Variants in FERMT3 observed in about 807,000 individuals in gnomAD.
FERMT3 encodes the protein fermitin family homolog 3.
A neutral mutation model predicts 80.8 loss-of-function variants in FERMT3; 33 were observed. The observed-to-expected ratio is 0.41, with a 90% confidence interval of 0.31 to 0.55. FERMT3 has a LOEUF of 0.55. Ranked by LOEUF, FERMT3 falls within the 20% of genes least tolerant of loss-of-function variation. The pLI is 0.31. For synonymous variants in FERMT3, 375 were observed against 372.2 expected, an observed-to-expected ratio of 1.01 and a Z score of -0.09; for missense variants, 754 against 908.7, an observed-to-expected ratio of 0.83 and a Z score of 2.19.
At chr11:64,208,802 A>C (rs183688057) in intron 2 of FERMT3, among the ~76,000 whole-genome samples, 43 of 152,234 alleles carry the variant, frequency 2.8e-4, no homozygotes, top group African/African-American at 1.0e-3. Flanking sequence ...GCGTGACCAG[A>C]AATGAGGCTG....
At chr11:64,209,536 A>G (rs574396435) in intron 2 of FERMT3, among the ~76,000 whole-genome samples, 3 of 152,324 alleles carry the variant, frequency 2.0e-5, no homozygotes, top group South Asian at 4.1e-4. Context: ...GAGAGGGGCC[A>G]GAGAGGACAG....
chr11:64,220,238 A>G lies in FERMT3; in HGVS notation c.1223A>G (p.Asp408Gly). Residue 408 changes from aspartate to glycine, a missense_variant, in exon 11 of 15, where the codon GAT (aspartate) becomes GGT (glycine). Coordinates refer to ENST00000345728, the MANE Select transcript of FERMT3 (RefSeq NM_031471.6). ...CCTCCAGGCTGTGAGGTGGTTCCCGATGTTAACGTCTCCGGCCAGAAGTTC... is the reference window on the plus strand; with the variant it reads ...CCTCCAGGCTGTGAGGTGGTTCCCGGTGTTAACGTCTCCGGCCAGAAGTTC... ...LNLKGCEVVP[D>G]VNVSGQKFCI... is the part of the protein sequence containing the mutation. 6.2e-7 allele frequency: 1 copy of G among 1,613,794 alleles called. No homozygotes were observed. The highest frequency in any genetic ancestry group is 8.5e-7 in the Non-Finnish European group (1 of 1,179,982).
At position 64,207,428 on chromosome 11, in the gene FERMT3, G is replaced by A; in HGVS notation, c.64G>A (p.Val22Met). 1 of 1,614,188 alleles carries A rather than the reference G, an allele frequency of 6.2e-7. No homozygotes were observed. The highest frequency in any genetic ancestry group is 8.5e-7 in the Non-Finnish European group (1 of 1,180,020). Reference sequence around the variant, plus strand: ...CTCGTCATGGGAGCTGCGGGTGTTTGTGGGAGAGGAGGACCCAGAGGCCGA... The same window carrying A: ...CTCGTCATGGGAGCTGCGGGTGTTTATGGGAGAGGAGGACCCAGAGGCCGA... ...IDSSWELRVF[V>M]GEEDPEAESV... The change falls in exon 2 of 15, where the codon GTG (valine) becomes ATG (methionine). Residue 22 changes from valine to methionine, a missense_variant. By Grantham distance (21) the Val-to-Met change is conservative. Coordinates refer to ENST00000345728, the MANE Select transcript of FERMT3 (RefSeq NM_031471.6).
chr11:64,218,505 A>G (rs1946601162), intron 6 of FERMT3, among the ~76,000 whole-genome samples: 1 of 148,234 alleles, frequency 6.7e-6, no homozygotes. Flanking sequence ...GGGTTTCACC[A>G]TGTTGCCCAA....
intron 13 of FERMT3, among the ~76,000 whole-genome samples, chr11:64,222,563 CAAAAAAAAAA>C (rs34119299): frequency 2.4e-5 from 2 of 83,474 alleles, no homozygotes; most frequent in African/African-American, 1.0e-4. Flanking sequence ...CACTCCGTCT[CAAAAAAAAAA>C]AAAAAAAAAA....
chr11:64,211,030 C>A lies in FERMT3; in HGVS notation c.395-22C>A. The A allele has an allele frequency of 6.2e-7, 1 of 1,606,738 alleles. No individual in the cohort carries two copies. The highest frequency in any genetic ancestry group is 8.5e-7 in the Non-Finnish European group (1 of 1,176,864). On this transcript the variant is annotated intron_variant, in intron 3 of 14. Transcript: ENST00000345728. This position sits in a 1 kb window ranked among gnomAD's most constrained non-coding sequence, Gnocchi z 4.7. ...AGGCTGCAGCAGGACCTAGTCCCCGCTGAGACCCTAGCTCCCCTCAGGCAT... is the reference window on the plus strand; with the variant it reads ...AGGCTGCAGCAGGACCTAGTCCCCGATGAGACCCTAGCTCCCCTCAGGCAT...
intron 6 of FERMT3, among the ~76,000 whole-genome samples, chr11:64,218,599 C>T (rs1440771175): frequency 5.9e-5 from 9 of 152,254 alleles, no homozygotes; most frequent in Admixed American, 4.6e-4. Flanking sequence ...GCCACCGCCC[C>T]GGCCTGTCCT....
At position 64,219,715 on chromosome 11, in the gene FERMT3, C is replaced by T. The variant is rs761647934; in HGVS notation, c.1030-25C>T. 6.2e-7 allele frequency: 1 copy of T among 1,613,842 alleles called. No homozygotes were observed. The highest frequency in any genetic ancestry group is 8.5e-7 in the Non-Finnish European group (1 of 1,179,952). ...GGGAGAACTGTGAGGTACCGGGTGC[C>T]CCTCTGACTCTGGTCCTCCCATAGG... On this transcript the variant is annotated intron_variant, in intron 8 of 14. Coordinates refer to ENST00000345728, the MANE Select transcript of FERMT3 (RefSeq NM_031471.6). The surrounding 1 kb of genome is among the most constrained non-coding windows in gnomAD (Gnocchi z 4.0).
chr11:64,206,162 G>A (rs932157065), upstream of FERMT3, among the ~76,000 whole-genome samples: 1 of 152,214 alleles, frequency 6.6e-6, no homozygotes, highest in African/African-American at 2.4e-5. Context: ...GATGGTCTGG[G>A]CCAAGTACTG....
At position 64,219,260 on chromosome 11, in the gene FERMT3, G is replaced by A. The variant is rs907338238; in HGVS notation, c.796G>A (p.Val266Met). 8 of 1,596,610 alleles carry A rather than the reference G, an allele frequency of 5.0e-6. No homozygotes were observed. Among genetic ancestry groups the A allele is most frequent in the Admixed American group, 1.7e-5 (1 of 57,536 alleles). The change falls in exon 7 of 15, where the codon GTG becomes ATG. Residue 266 changes from valine to methionine, a missense_variant. Physicochemically the swap from Val to Met is conservative, Grantham distance 21 (BLOSUM62 1). Transcript: ENST00000345728. The surrounding 1 kb of genome is among the most constrained non-coding windows in gnomAD (Gnocchi z 4.0). The stretch of plus-strand genomic sequence containing the variant: ...TCTCCCCCCGCTCCAGACAGACCCC[G>A]TGCGGCTGACACAGCTGTATGAGCA... ...FFDLDPKTDP[V>M]RLTQLYEQAR...
chr11:64,210,222 T>C lies in FERMT3; in HGVS notation c.161-389T>C, dbSNP rs552648778. 2.4e-4 allele frequency among the ~76,000 whole-genome samples: 36 copies of C among 152,310 alleles called. No individual in the cohort carries two copies. The highest frequency in any genetic ancestry group is 6.5e-4 in the African/African-American group (27 of 41,574). The stretch of plus-strand genomic sequence containing the variant: ...ATACAACGGTGAGACAGACGTAGTC[T>C]CTGCCTCCAGGAGCTCCCCAGAATG... On this transcript the variant is annotated intron_variant, in intron 2 of 14. Transcript: ENST00000345728. This position sits in a 1 kb window ranked among gnomAD's most constrained non-coding sequence, Gnocchi z 4.3.
chr11:64,223,658 C>CGCTG lies in FERMT3; in HGVS notation c.*167_*170dup. On this transcript the variant is annotated 3_prime_UTR_variant, in exon 15 of 15. Transcript: ENST00000345728. Reference sequence around the variant, plus strand: ...AGGCCAAGGACCTGGCAGGGCCAGACGCTGTACCATCACCCAGGCCAGGGA... The same window carrying CGCTG: ...AGGCCAAGGACCTGGCAGGGCCAGACGCTGGCTGTACCATCACCCAGGCCAGGGA... 1 of 901,426 alleles carries CGCTG rather than the reference C, an allele frequency of 1.1e-6. No homozygotes were observed. Among genetic ancestry groups the CGCTG allele is most frequent in the South Asian group, 1.6e-5 (1 of 64,092 alleles). 55.8% of individuals were successfully genotyped at this position (901,426 alleles called of 1,614,324 possible).
chr11:64,208,540 C>T (rs565576873), intron 2 of FERMT3, among the ~76,000 whole-genome samples: 101 of 152,350 alleles, frequency 6.6e-4, no homozygotes, highest in African/African-American at 2.3e-3. Context: ...TCAGCCTGGC[C>T]GCCCCGGGCC....
At chr11:64,207,639 A>G (rs1946342580) in intron 2 of FERMT3, 115 bp downstream of exon 2, 1 of 1,294,888 alleles carries the variant, frequency 7.7e-7, no homozygotes, top group Non-Finnish European at 1.1e-6. Context: ...TGTCACGGTG[A>G]CTCAGGCATT....
intron 2 of FERMT3, among the ~76,000 whole-genome samples, chr11:64,208,491 ACTGTCACTC>A (rs1205181604): frequency 2.8e-4 from 42 of 152,322 alleles, no homozygotes; most frequent in African/African-American, 9.6e-4. Flanking sequence ...TGGTGGGGAT[ACTGTCACTC>A]CTAAGCACAT....
Position 64,219,264 on chromosome 11 carries a change from G to A in FERMT3, c.800G>A (p.Arg267Gln), listed in dbSNP as rs1257489948. The A allele has an allele frequency of 1.2e-6, 2 of 1,600,028 alleles. No homozygotes were observed. The highest frequency in any genetic ancestry group is 1.7e-4 in the Middle Eastern group (1 of 6,050). The change falls in exon 7 of 15, where the codon CGG becomes CAG. Residue 267 changes from arginine to glutamine, a missense_variant. Arg to Gln is a conservative substitution (Grantham distance 43, BLOSUM62 1). Coordinates refer to ENST00000345728, the MANE Select transcript of FERMT3 (RefSeq NM_031471.6). The surrounding 1 kb of genome is among the most constrained non-coding windows in gnomAD (Gnocchi z 4.0). The part of the protein sequence containing the change: ...FDLDPKTDPV[R>Q]LTQLYEQARW... ...CCCCCGCTCCAGACAGACCCCGTGC[G>A]GCTGACACAGCTGTATGAGCAGGCC...
intron 13 of FERMT3, 116 bp from the exon 14 acceptor site, chr11:64,222,932 C>G: frequency 7.0e-7 from 1 of 1,430,860 alleles, no homozygotes; most frequent in Admixed American, 1.7e-5. Flanking sequence ...CAGGGTTACA[C>G]AGCTGGTGAG....
At chr11:64,216,290 T>C (rs1443671701) in intron 6 of FERMT3, among the ~76,000 whole-genome samples, 1 of 147,026 alleles carries the variant, frequency 6.8e-6, no homozygotes, top group Non-Finnish European at 1.5e-5. Context: ...TCTGCCCCCC[T>C]GGTTCAAGCC....
chr11:64,212,382 G>A (rs575197378), intron 6 of FERMT3, among the ~76,000 whole-genome samples: 7 of 152,302 alleles, frequency 4.6e-5, no homozygotes, highest in South Asian at 4.1e-4. Flanking sequence ...TTGTCTGAAC[G>A]CTTGCTCCGC....
Sources: allele counts gnomAD v4.1 joint callset (sites outside exome capture counted in the v4.1 genomes callset), GRCh38; gene constraint gnomAD v4.1.1; non-coding constraint Gnocchi (gnomAD v3.1); transcripts MANE v1.5; gene names NCBI Gene and HGNC (gene_info 2026-07-23, HGNC 2026-07-21).